Variants in FER1L6 observed in about 807,000 individuals in gnomAD.
FER1L6 encodes the protein fer-1-like protein 6.
Under a neutral mutation model 219.2 loss-of-function variants are expected in FER1L6, and 177 were observed. That is an observed-to-expected ratio of 0.81 (90% CI 0.71 to 0.91). The LOEUF (loss-of-function observed/expected upper bound fraction) is 0.91, where lower values mean the gene tolerates loss of function less well. Ranked by LOEUF, FER1L6 falls within the 40% of genes least tolerant of loss-of-function variation. FER1L6 has a pLI of 0.00. For missense variants in FER1L6, 2,153 were observed against 2,259.9 expected (o/e 0.95, Z 0.96); for synonymous variants, 768 against 824.3 (o/e 0.93, Z 1.17).
chr8:123,866,380 C>T (rs561128102), intron 1 of FER1L6, among the ~76,000 whole-genome samples: 1 of 151,344 alleles, frequency 6.6e-6, no homozygotes, highest in Non-Finnish European at 1.5e-5. Context: ...TTTTCTTTAC[C>T]CATTCATCCT....
chr8:124,110,639 C>A (rs968515510), intron 39 of FER1L6, among the ~76,000 whole-genome samples: 1 of 152,152 alleles, frequency 6.6e-6, no homozygotes, highest in Non-Finnish European at 1.5e-5. Context: ...CAGAAATTTC[C>A]TCCTTTTATA....
intron 1 of FER1L6, among the ~76,000 whole-genome samples, chr8:123,879,355 C>T (rs1479476686): frequency 1.3e-5 from 2 of 152,062 alleles, no homozygotes; most frequent in Non-Finnish European, 2.9e-5. Flanking sequence ...GAGATGGAAT[C>T]TCACTCTGTT....
At chr8:123,939,293 A>C in intron 1 of FER1L6, 1 of 721,778 alleles carries the variant, frequency 1.4e-6, no homozygotes, top group Non-Finnish European at 1.7e-6. Context: ...TGTTAAGTCT[A>C]AGAAGTCCTA....
intron 10 of FER1L6, 114 bp from the exon 11 acceptor site, chr8:123,980,351 T>G (rs1816267767): frequency 1.2e-6 from 1 of 849,912 alleles, no homozygotes; most frequent in South Asian, 1.8e-5. Context: ...TCATGGGATA[T>G]CCTGTCAATA....
At chr8:124,060,873 T>C in intron 24 of FER1L6, 164 bp downstream of exon 24, 2 of 830,198 alleles carry the variant, frequency 2.4e-6, no homozygotes, top group Non-Finnish European at 3.6e-6. Context: ...TGTTTTGTTT[T>C]GAAACGTTTC....
chr8:123,916,914 A>G (rs1269741111), intron 1 of FER1L6, among the ~76,000 whole-genome samples: 1 of 152,142 alleles, frequency 6.6e-6, no homozygotes, highest in Non-Finnish European at 1.5e-5. Flanking sequence ...TGCCATTGGT[A>G]TTTTGACTAC....
chr8:123,980,771 CA>C lies in FER1L6; in HGVS notation c.1372del (p.Thr458ProfsTer33), dbSNP rs1784454126. ...CAACAGGCTTCAAACAAAACTAACT[CA>C]ACCGAGGTGGAGGTGGAATCGTTCG... is the stretch of plus-strand genomic sequence containing the variant. Reference protein sequence around the residue: ...KSQQASNKTNSTEVEVESFDV... With the variant: ...KSQQASNKTNXTEVEVESFDV... On this transcript the variant is annotated frameshift_variant, in exon 11 of 41. Transcript: ENST00000522917. LOFTEE classifies it high-confidence loss of function. The C allele has an allele frequency of 3.1e-6, 5 of 1,613,996 alleles. No individual in the cohort carries two copies. Among genetic ancestry groups the C allele is most frequent in the Non-Finnish European group, 4.2e-6 (5 of 1,180,024 alleles).
At chr8:124,046,207 C>T (rs1179727478) in intron 21 of FER1L6, 3 of 222,546 alleles carry the variant, frequency 1.3e-5, no homozygotes, top group East Asian at 2.0e-4. Context: ...AAGCAACCTG[C>T]AACTGTACCC....
intron 22 of FER1L6, among the ~76,000 whole-genome samples, chr8:124,058,597 C>T (rs1002664851): frequency 3.9e-5 from 6 of 152,194 alleles, no homozygotes; most frequent in Non-Finnish European, 8.8e-5. Flanking sequence ...ACTTACAAAG[C>T]AAAACTTCTT....
intron 31 of FER1L6, among the ~76,000 whole-genome samples, chr8:124,073,300 G>A (rs898898416): frequency 2.6e-5 from 4 of 152,224 alleles, no homozygotes; most frequent in African/African-American, 7.2e-5. Context: ...CCAGGAGGTA[G>A]CATGGGGGAC....
chr8:123,909,285 T>C (rs1471452180), intron 1 of FER1L6, among the ~76,000 whole-genome samples: 1 of 151,432 alleles, frequency 6.6e-6, no homozygotes, highest in African/African-American at 2.4e-5. Context: ...GTTTGTGTGA[T>C]AAGACAAAAA....
chr8:124,090,049 T>C (rs1448007846), intron 33 of FER1L6, among the ~76,000 whole-genome samples: 2 of 152,200 alleles, frequency 1.3e-5, no homozygotes, highest in African/African-American at 2.4e-5. Flanking sequence ...TCTCTGATAA[T>C]TGACTTAACA....
At chr8:123,866,379 C>T (rs1385013337) in intron 1 of FER1L6, among the ~76,000 whole-genome samples, 1 of 151,646 alleles carries the variant, frequency 6.6e-6, no homozygotes, top group East Asian at 1.9e-4. Context: ...ATTTTCTTTA[C>T]CCATTCATCC....
At position 124,060,822 on chromosome 8, in the gene FER1L6, C is replaced by A. The variant is rs557278356; in HGVS notation, c.3147+113C>A. On this transcript the variant is annotated intron_variant, in intron 24 of 40. Transcript: ENST00000522917. ...GAGAAAGAATTAATTTAGTGAAAAG[C>A]CAGAATTTCAGAATGAGATAAAATA... is the stretch of plus-strand genomic sequence containing the variant. 8.2e-6 allele frequency: 10 copies of A among 1,215,932 alleles called. No individual in the cohort carries two copies. The East Asian group carries it at 2.2e-4, about 26-fold the overall frequency. The allele number at this position is 1,215,932 out of a possible 1,614,324, so 75.3% of individuals were successfully genotyped here.
chr8:123,875,579 G>A (rs1013520357), intron 1 of FER1L6, among the ~76,000 whole-genome samples: 2 of 151,938 alleles, frequency 1.3e-5, no homozygotes, highest in African/African-American at 2.4e-5. Context: ...TGGGCCTCTC[G>A]CCTGAATTCC....
chr8:124,068,264 G>A (rs1352328678), intron 28 of FER1L6, among the ~76,000 whole-genome samples: 4 of 152,158 alleles, frequency 2.6e-5, no homozygotes, highest in Admixed American at 2.0e-4. Flanking sequence ...CAACTGTAAC[G>A]TTAAGCAGCC....
chr8:123,993,953 A>C (rs1816996022), intron 12 of FER1L6, among the ~76,000 whole-genome samples: 1 of 152,180 alleles, frequency 6.6e-6, no homozygotes, highest in South Asian at 2.1e-4. Flanking sequence ...TGTAGTAGTA[A>C]TGAGCTGATC....
chr8:123,970,245 T>A, intron 6 of FER1L6, 148 bp downstream of exon 6: 2 of 731,062 alleles, frequency 2.7e-6, no homozygotes, highest in South Asian at 1.6e-5. Context: ...AGGCAGAACT[T>A]GAAATCACCA....
At chr8:123,937,173 C>T (rs1177173141) in intron 1 of FER1L6, among the ~76,000 whole-genome samples, 3 of 152,214 alleles carry the variant, frequency 2.0e-5, no homozygotes, top group African/African-American at 7.2e-5. Context: ...TCCCAGAGTG[C>T]TGGGATTACA....
Sources: gnomAD v4.1 joint callset for allele counts (sites outside exome capture counted in the v4.1 genomes callset) on GRCh38, gnomAD v4.1.1 for gene constraint, MANE v1.5 for transcripts, NCBI Gene and HGNC (gene_info 2026-07-23, HGNC 2026-07-21) for gene names.